Variants in EIF4G3 observed in about 807,000 individuals in gnomAD.
EIF4G3 encodes the protein eukaryotic translation initiation factor 4 gamma 3.
A neutral mutation model predicts 186.4 loss-of-function variants in EIF4G3; 34 were observed. That is an observed-to-expected ratio of 0.18 (90% CI 0.14 to 0.24). EIF4G3 has a LOEUF of 0.24. Among genes scored for constraint, EIF4G3 ranks in the 10% least tolerant of loss-of-function variants. The pLI, the probability that EIF4G3 is intolerant of heterozygous loss-of-function variation, is 1.00. For missense variants in EIF4G3, 1,536 were observed against 1,948.5 expected, an observed-to-expected ratio of 0.79 and a Z score of 3.99; for synonymous variants, 673 against 679.5, an observed-to-expected ratio of 0.99 and a Z score of 0.15.
In EIF4G3 at chr1:20,942,132, G is replaced by A. The variant is rs755408222; in HGVS notation, c.1022C>T (p.Ser341Phe). The part of the protein sequence containing the change: ...ARSTIAAPTS[S>F]ALSSQPIFTT... ...GAATATTGGTTGGCTACTAAGAGCA[G>A]AAGAGGTGGGGGCTGCAATTGTACT... is the stretch of plus-strand genomic sequence containing the variant. Residue 341 changes from serine to phenylalanine, a missense_variant, in exon 14 of 37, where the codon TCT becomes TTT. Ser to Phe is a radical substitution (Grantham distance 155). Transcript: ENST00000602326. The A allele has an allele frequency of 1.9e-6, 3 of 1,614,020 alleles. No individual in the cohort carries two copies. Among genetic ancestry groups the A allele is most frequent in the Non-Finnish European group, 2.5e-6 (3 of 1,180,012 alleles).
At chr1:21,136,582 G>A (rs1431111945) in intron 2 of EIF4G3, among the ~76,000 whole-genome samples, 1 of 151,904 alleles carries the variant, frequency 6.6e-6, no homozygotes, top group African/African-American at 2.4e-5. Context: ...TGGTTTAATG[G>A]GAAAAACTGA....
chr1:21,104,354 A>G (rs2096577890), intron 2 of EIF4G3, among the ~76,000 whole-genome samples: 1 of 152,208 alleles, frequency 6.6e-6, no homozygotes, highest in Admixed American at 6.5e-5. Flanking sequence ...AAACAGACCA[A>G]AAGTCAGTAA....
At chr1:20,859,826 C>A (rs1232253448) in intron 24 of EIF4G3, among the ~76,000 whole-genome samples, 1 of 152,182 alleles carries the variant, frequency 6.6e-6, no homozygotes, top group Non-Finnish European at 1.5e-5. Context: ...CTCCTGACCT[C>A]AATTGATCCA....
chr1:21,113,463 C>T (rs2096763335), intron 2 of EIF4G3, among the ~76,000 whole-genome samples: 1 of 151,938 alleles, frequency 6.6e-6, no homozygotes, highest in African/African-American at 2.4e-5. Context: ...ACACTCTTTC[C>T]TAAATATTGG....
At chr1:20,997,555 C>G in intron 7 of EIF4G3, 46 bp downstream of exon 7, 1 of 1,533,528 alleles carries the variant, frequency 6.5e-7, no homozygotes, top group Non-Finnish European at 8.8e-7. Flanking sequence ...ACTAAAGCCC[C>G]CATCTATTAG....
At chr1:21,133,141 T>G (rs2097184060) in intron 2 of EIF4G3, among the ~76,000 whole-genome samples, 1 of 152,146 alleles carries the variant, frequency 6.6e-6, no homozygotes, top group Non-Finnish European at 1.5e-5. Context: ...AATATCCTAT[T>G]AAACAAAAAT....
At chr1:21,064,101 T>C (rs2095101886) in intron 3 of EIF4G3, among the ~76,000 whole-genome samples, 1 of 152,180 alleles carries the variant, frequency 6.6e-6, no homozygotes, top group African/African-American at 2.4e-5. Flanking sequence ...AAATCTGCTA[T>C]TTGGAACTTG....
At chr1:20,990,356 T>A (rs1175283432) in intron 7 of EIF4G3, among the ~76,000 whole-genome samples, 2 of 151,848 alleles carry the variant, frequency 1.3e-5, no homozygotes, top group Non-Finnish European at 2.9e-5. Context: ...ACTGAGAAAA[T>A]CATTAGCATT....
intron 7 of EIF4G3, among the ~76,000 whole-genome samples, chr1:20,989,494 T>C (rs548975083): frequency 3.7e-5 from 5 of 135,588 alleles, no homozygotes; most frequent in Non-Finnish European, 6.1e-5. Context: ...GAGGTGGAGG[T>C]TGCAGTGAGC....
At chr1:20,907,345 T>C (rs1372391826) in intron 14 of EIF4G3, among the ~76,000 whole-genome samples, 1 of 152,112 alleles carries the variant, frequency 6.6e-6, no homozygotes, top group East Asian at 1.9e-4. Flanking sequence ...AAAACAAAAA[T>C]ACAAAAAGGT....
intron 12 of EIF4G3, 93 bp from the exon 13 acceptor site, chr1:20,950,204 C>T (rs1573385233): frequency 1.4e-6 from 1 of 740,684 alleles, no homozygotes; most frequent in East Asian, 3.2e-5. Flanking sequence ...GACAGTAGAG[C>T]ACAGGAGATC....
Position 21,001,322 on chromosome 1 carries a change from A to C in EIF4G3, c.31-10T>G. On this transcript the variant is annotated splice_polypyrimidine_tract_variant and intron_variant, in intron 5 of 36. Transcript: ENST00000602326. ...GCACTGTTCTGCTGGGCTGTCAAAAAAACTGGTTTAGAGATGCAGCTCTTC... is the reference window on the plus strand; with the variant it reads ...GCACTGTTCTGCTGGGCTGTCAAAACAACTGGTTTAGAGATGCAGCTCTTC... 1 of 471,206 alleles carries C rather than the reference A, an allele frequency of 2.1e-6. No individual in the cohort carries two copies. Among genetic ancestry groups the C allele is most frequent in the Non-Finnish European group, 4.4e-6 (1 of 227,048 alleles). 29.2% of individuals were successfully genotyped at this position (471,206 alleles called of 1,614,324 possible).
At chr1:20,878,777 C>T (rs2081538130) in intron 20 of EIF4G3, among the ~76,000 whole-genome samples, 1 of 152,338 alleles carries the variant, frequency 6.6e-6, no homozygotes, top group Non-Finnish European at 1.5e-5. Flanking sequence ...GCTCTTTGGT[C>T]TCCCTCTCTG....
intron 18 of EIF4G3, chr1:20,893,022 C>G (rs1031403179): frequency 3.2e-6 from 1 of 317,392 alleles, no homozygotes; most frequent in Non-Finnish European, 5.8e-6. Context: ...ATTCTCTCAC[C>G]TCAGTCTCCC....
At chr1:20,977,769 AATGTT>A (rs557003460) in intron 10 of EIF4G3, among the ~76,000 whole-genome samples, 2 of 152,184 alleles carry the variant, frequency 1.3e-5, no homozygotes, top group Non-Finnish European at 2.9e-5. Context: ...ATAAAGCCAA[AATGTT>A]ATAATATTGT....
intron 2 of EIF4G3, among the ~76,000 whole-genome samples, chr1:21,123,630 T>C (rs1041694349): frequency 3.3e-4 from 50 of 151,414 alleles, no homozygotes; most frequent in African/African-American, 1.2e-3. Flanking sequence ...AAAACTTGTC[T>C]TAAAATTTAC....
At chr1:21,081,502 GAAT>G (rs2095786301) in intron 3 of EIF4G3, among the ~76,000 whole-genome samples, 1 of 151,966 alleles carries the variant, frequency 6.6e-6, no homozygotes, top group Admixed American at 6.6e-5. Flanking sequence ...GGCTAATAAG[GAAT>G]AATGACATAA....
At chr1:20,905,091 CAAAT>C (rs1558165856) in intron 14 of EIF4G3, 120 bp from the exon 15 acceptor site, 11 of 631,102 alleles carry the variant, frequency 1.7e-5, no homozygotes, top group South Asian at 7.4e-5. Context: ...CTATACCAAA[CAAAT>C]AGTTGGCTGA....
chr1:20,891,807 T>C (rs1349331732), intron 18 of EIF4G3, among the ~76,000 whole-genome samples: 2 of 147,820 alleles, frequency 1.4e-5, no homozygotes, highest in South Asian at 2.1e-4. Context: ...AAAAAAAGGG[T>C]ATAAAATGGT....
Sources: allele counts gnomAD v4.1 joint callset (sites outside exome capture counted in the v4.1 genomes callset), GRCh38; gene constraint gnomAD v4.1.1; transcripts MANE v1.5; gene names NCBI Gene and HGNC (gene_info 2026-07-23, HGNC 2026-07-21).